Variants in ELOVL2 observed in about 807,000 individuals in gnomAD.
The protein encoded by ELOVL2 is ELOVL fatty acid elongase 2.
A neutral mutation model predicts 37.7 loss-of-function variants in ELOVL2; 38 were observed. The observed-to-expected ratio is 1.01, with a 90% CI of 0.78 to 1.32. The LOEUF is 1.32. Ranked by LOEUF, ELOVL2 falls within the 40% of genes most tolerant of loss-of-function variation. The pLI, the probability that ELOVL2 is intolerant of heterozygous loss-of-function variation, is 0.00. For missense variants in ELOVL2, 352 were observed against 363.6 expected (o/e 0.97, Z 0.26); for synonymous variants, 115 against 122.3 (o/e 0.94, Z 0.40).
intron 1 of ELOVL2, among the ~76,000 whole-genome samples, chr6:11,040,860 G>A (rs1783089546): frequency 6.6e-6 from 1 of 152,156 alleles, no homozygotes; most frequent in African/African-American, 2.4e-5. Context: ...AGGTCACACA[G>A]TTAAATGCTG....
intron 1 of ELOVL2, among the ~76,000 whole-genome samples, chr6:11,038,169 C>A (rs1041115099): frequency 6.6e-6 from 1 of 152,090 alleles, no homozygotes; most frequent in Non-Finnish European, 1.5e-5. Context: ...TTGCCTCTCA[C>A]AAAAGTTTTT....
intron 5 of ELOVL2, among the ~76,000 whole-genome samples, chr6:10,992,479 T>C (rs903970687): frequency 2.0e-5 from 3 of 152,226 alleles, no homozygotes; most frequent in Non-Finnish European, 2.9e-5. Context: ...GCAGTGAGAA[T>C]TGTCATCAAC....
intron 4 of ELOVL2, 67 bp downstream of exon 4, chr6:11,000,020 G>A: frequency 3.5e-6 from 5 of 1,417,958 alleles, no homozygotes; most frequent in Non-Finnish European, 5.0e-6. Flanking sequence ...TATCTGGAAG[G>A]AGAAAACCTC....
At chr6:11,031,595 G>T (rs1187317851) in intron 1 of ELOVL2, among the ~76,000 whole-genome samples, 1 of 152,084 alleles carries the variant, frequency 6.6e-6, no homozygotes, top group African/African-American at 2.4e-5. Flanking sequence ...CATTCCTAGT[G>T]CTAATCTTTT....
intron 1 of ELOVL2, among the ~76,000 whole-genome samples, chr6:11,014,077 GA>G (rs1782630281): frequency 6.6e-6 from 1 of 152,174 alleles, no homozygotes; most frequent in Non-Finnish European, 1.5e-5. Context: ...CAGCAAATAT[GA>G]GAAGAATGGA....
chr6:11,004,214 A>G (rs934638056), intron 3 of ELOVL2, among the ~76,000 whole-genome samples: 1 of 152,168 alleles, frequency 6.6e-6, no homozygotes, highest in African/African-American at 2.4e-5. Context: ...GTTATTAAGA[A>G]TGGTACATAT....
chr6:11,015,048 A>G (rs1431268568), intron 1 of ELOVL2, among the ~76,000 whole-genome samples: 1 of 152,234 alleles, frequency 6.6e-6, no homozygotes, highest in Non-Finnish European at 1.5e-5. Context: ...GGAATGAACA[A>G]TTGATGTACA....
chr6:11,016,354 C>A (rs1782685534), intron 1 of ELOVL2, among the ~76,000 whole-genome samples: 1 of 152,164 alleles, frequency 6.6e-6, no homozygotes, highest in Non-Finnish European at 1.5e-5. Flanking sequence ...CTACCACCAA[C>A]TCACTGCTTT....
chr6:11,012,394 T>A (rs780626580), intron 1 of ELOVL2, among the ~76,000 whole-genome samples: 25 of 152,224 alleles, frequency 1.6e-4, no homozygotes, highest in Non-Finnish European at 1.5e-5. Flanking sequence ...TGTGACAGAA[T>A]ATGATCTGTG....
intron 7 of ELOVL2, among the ~76,000 whole-genome samples, chr6:10,985,829 A>C (rs868581151): frequency 6.6e-6 from 1 of 152,002 alleles, no homozygotes; most frequent in Non-Finnish European, 1.5e-5. Context: ...TTGGCGATGC[A>C]GGCTCTTTTT....
At chr6:10,985,763 G>C (rs1470991666) in intron 7 of ELOVL2, among the ~76,000 whole-genome samples, 1 of 152,082 alleles carries the variant, frequency 6.6e-6, no homozygotes, top group African/African-American at 2.4e-5. Flanking sequence ...TTGTAGTATA[G>C]TTTGAAGTCA....
chr6:11,026,807 T>C (rs1372488059), intron 1 of ELOVL2, among the ~76,000 whole-genome samples: 1 of 152,230 alleles, frequency 6.6e-6, no homozygotes, highest in Non-Finnish European at 1.5e-5. Context: ...CAACCTTACA[T>C]AGCTATATGG....
chr6:10,992,152 G>T (rs1259843778), intron 5 of ELOVL2, among the ~76,000 whole-genome samples: 1 of 152,084 alleles, frequency 6.6e-6, no homozygotes, highest in Non-Finnish European at 1.5e-5. Context: ...CGTCTAGAAG[G>T]ACAGAGATCA....
At chr6:11,040,341 C>T (rs1581885127) in intron 1 of ELOVL2, among the ~76,000 whole-genome samples, 1 of 152,052 alleles carries the variant, frequency 6.6e-6, no homozygotes, top group African/African-American at 2.4e-5. Flanking sequence ...TTGTCCAATA[C>T]GGTAGCCTCT....
chr6:11,022,843 A>G (rs780266137), intron 1 of ELOVL2, among the ~76,000 whole-genome samples: 11 of 152,222 alleles, frequency 7.2e-5, no homozygotes, highest in African/African-American at 2.7e-4. Flanking sequence ...TAATGACTAT[A>G]ATAGTTTCTT....
intron 3 of ELOVL2, among the ~76,000 whole-genome samples, chr6:11,003,318 C>T (rs554645185): frequency 3.3e-5 from 5 of 152,290 alleles, no homozygotes; most frequent in East Asian, 3.9e-4. Context: ...CCCCACCCCC[C>T]GACAGGCCCG....
intron 7 of ELOVL2, among the ~76,000 whole-genome samples, chr6:10,989,006 T>A (rs745554700): frequency 6.6e-6 from 1 of 152,208 alleles, no homozygotes; most frequent in South Asian, 2.1e-4. Context: ...ATTAAAAACA[T>A]TGAAGAAGCC....
chr6:10,995,399 G>C, intron 4 of ELOVL2, among the ~76,000 whole-genome samples: 1 of 141,016 alleles, frequency 7.1e-6, no homozygotes, highest in East Asian at 2.1e-4. Context: ...ACACATGTGT[G>C]ATCACGTTCC....
intron 1 of ELOVL2, among the ~76,000 whole-genome samples, chr6:11,037,506 C>G (rs936722947): frequency 1.3e-4 from 19 of 149,352 alleles, no homozygotes; most frequent in Non-Finnish European, 2.7e-4. Context: ...TACTGCTGTT[C>G]TGATTAATGT....
Sources: allele counts gnomAD v4.1 joint callset (sites outside exome capture counted in the v4.1 genomes callset), GRCh38; gene constraint gnomAD v4.1.1; transcripts MANE v1.5; gene names NCBI Gene and HGNC (gene_info 2026-07-23, HGNC 2026-07-21).